DTL: variants seen among roughly 807,000 people sequenced by gnomAD.
DTL encodes the protein denticleless E3 ubiquitin protein ligase adapter.
DTL carries 46 observed loss-of-function variants against 87.0 expected under a neutral mutation model. The ratio of observed to expected loss-of-function variants is 0.53; its 90% confidence interval spans 0.42 to 0.68. The LOEUF is 0.68. Among genes scored for constraint, DTL ranks in the 30% least tolerant of loss-of-function variants. The pLI, the probability that DTL is intolerant of heterozygous loss-of-function variation, is 0.00. For synonymous variants in DTL, 308 were observed against 311.2 expected, an observed-to-expected ratio of 0.99 and a Z score of 0.11; for missense variants, 737 against 869.4, an observed-to-expected ratio of 0.85 and a Z score of 1.91.
chr1:212,051,333 T>C (rs573428369), intron 5 of DTL, among the ~76,000 whole-genome samples: 2 of 152,150 alleles, frequency 1.3e-5, no homozygotes, highest in Non-Finnish European at 2.9e-5. Flanking sequence ...TATTTAACTT[T>C]TCTTATAGTG....
intron 10 of DTL, among the ~76,000 whole-genome samples, chr1:212,071,326 TA>T (rs1043105168): frequency 6.6e-5 from 10 of 152,222 alleles, no homozygotes; most frequent in African/African-American, 2.4e-4. Context: ...TATTTCCTAG[TA>T]GTGTTCTGAT....
intron 13 of DTL, among the ~76,000 whole-genome samples, chr1:212,095,618 G>GT (rs1341261535): frequency 9.8e-5 from 15 of 152,308 alleles, no homozygotes; most frequent in African/African-American, 3.4e-4. Flanking sequence ...TTACAGGCAT[G>GT]AGCCACCGCA....
At chr1:212,054,591 C>CGAG (rs1434720080) in intron 5 of DTL, among the ~76,000 whole-genome samples, 4 of 151,578 alleles carry the variant, frequency 2.6e-5, no homozygotes, top group African/African-American at 9.7e-5. Context: ...GTCAGGAGTT[C>CGAG]GAGACCAGCC....
intron 13 of DTL, among the ~76,000 whole-genome samples, chr1:212,089,363 G>T (rs548679303): frequency 1.1e-4 from 17 of 152,128 alleles, no homozygotes; most frequent in African/African-American, 4.1e-4. Context: ...ATGAAGAGAC[G>T]TAAAAATAAA....
At chr1:212,091,368 A>C (rs1365618644) in intron 13 of DTL, among the ~76,000 whole-genome samples, 1 of 152,252 alleles carries the variant, frequency 6.6e-6, no homozygotes, top group Non-Finnish European at 1.5e-5. Flanking sequence ...AAATTAGTAT[A>C]GCCATTAAGG....
chr1:212,036,860 T>C (rs1667483948), intron 1 of DTL, among the ~76,000 whole-genome samples: 1 of 152,202 alleles, frequency 6.6e-6, no homozygotes, highest in South Asian at 2.1e-4. Flanking sequence ...TGAAACTATG[T>C]GGAAAACGAA....
chr1:212,095,172 G>C (rs57590060), intron 13 of DTL, among the ~76,000 whole-genome samples: 5,193 of 152,138 alleles, frequency 0.034, 298 homozygotes, highest in African/African-American at 0.12. Context: ...TCTTTTTCCA[G>C]TTCTCATGGG....
Position 212,100,261 on chromosome 1 carries a change from CGA to C in DTL, c.1273_1274del (p.Ser425Ter), listed in dbSNP as rs1467241831. 17 of 1,553,486 alleles carry C rather than the reference CGA, an allele frequency of 1.1e-5. No homozygotes were observed. The highest frequency in any genetic ancestry group is 1.5e-5 in the Non-Finnish European group (17 of 1,152,948). On this transcript the variant is annotated frameshift_variant, in exon 14 of 15. Transcript: ENST00000366991. LOFTEE classifies it high-confidence loss of function. ...CTCTCCTCTTTTTCAGTAACAGTAA[CGA>C]GTAGCCAGAGTACTCCTGCCAAAGC...
chr1:212,066,501 G>A (rs1654504550), intron 7 of DTL, among the ~76,000 whole-genome samples: 1 of 152,192 alleles, frequency 6.6e-6, no homozygotes, highest in South Asian at 2.1e-4. Context: ...AGTTAAATAA[G>A]TTTCCTAAGG....
intron 13 of DTL, among the ~76,000 whole-genome samples, chr1:212,085,072 A>C (rs1442535562): frequency 2.6e-5 from 4 of 152,240 alleles, no homozygotes; most frequent in Admixed American, 1.3e-4. Flanking sequence ...AATGACAGGA[A>C]AGAAAAGTCT....
chr1:212,041,874 C>T (rs892692167), intron 1 of DTL, among the ~76,000 whole-genome samples: 5 of 152,242 alleles, frequency 3.3e-5, no homozygotes, highest in Admixed American at 2.0e-4. Flanking sequence ...GAAATTATGA[C>T]GTGATGGCCC....
chr1:212,059,619 G>GACGCACGCTT (rs1326042020), intron 5 of DTL, among the ~76,000 whole-genome samples: 12 of 151,954 alleles, frequency 7.9e-5, no homozygotes, highest in African/African-American at 2.7e-4. Flanking sequence ...ACAAGACAAG[G>GACGCACGCTT]ACGCACGCTT....
chr1:212,056,144 C>T (rs941036837), intron 5 of DTL, among the ~76,000 whole-genome samples: 4 of 152,314 alleles, frequency 2.6e-5, no homozygotes, highest in African/African-American at 9.6e-5. Context: ...ACCCACCTGG[C>T]CCACTGCTGC....
chr1:212,068,640 T>C lies in DTL; in HGVS notation c.859T>C (p.Phe287Leu). The C allele has an allele frequency of 1.9e-6, 3 of 1,613,526 alleles. No individual in the cohort carries two copies. The highest frequency in any genetic ancestry group is 2.5e-6 in the Non-Finnish European group (3 of 1,179,674). The change falls in exon 10 of 15, where the codon TTT (phenylalanine) becomes CTT (leucine). Residue 287 changes from phenylalanine to leucine, a missense_variant. Phe to Leu is a conservative substitution (Grantham distance 22, BLOSUM62 0). Coordinates refer to ENST00000366991, the MANE Select transcript of DTL (RefSeq NM_016448.4). ...LILDSTGSTLFANCTDDNIYM... is the reference protein window; with the variant it reads ...LILDSTGSTLLANCTDDNIYM... ...TTTGGATTCCACTGGCTCTACTTTA[T>C]TTGCTAATTGCACAGACGATAACAT... is the stretch of plus-strand genomic sequence containing the variant.
chr1:212,081,345 T>G (rs57590885), intron 13 of DTL, among the ~76,000 whole-genome samples: 1 of 152,208 alleles, frequency 6.6e-6, no homozygotes, highest in African/African-American at 2.4e-5. Flanking sequence ...GCATATTTTC[T>G]CTTCCTCAGA....
chr1:212,044,556 C>G (rs1667751672), intron 2 of DTL, 104 bp from the exon 3 acceptor site: 1 of 644,008 alleles, frequency 1.6e-6, no homozygotes, highest in African/African-American at 1.9e-5. Context: ...GTGAGCCAAA[C>G]TGCACTATTG....
intron 6 of DTL, among the ~76,000 whole-genome samples, chr1:212,064,647 C>T (rs1026887289): frequency 2.0e-5 from 3 of 152,216 alleles, no homozygotes; most frequent in African/African-American, 7.2e-5. Flanking sequence ...AATAATATTC[C>T]ATTGTCTGGA....
intron 5 of DTL, among the ~76,000 whole-genome samples, chr1:212,050,991 C>G (rs1207771554): frequency 6.6e-6 from 1 of 151,974 alleles, no homozygotes; most frequent in African/African-American, 2.4e-5. Flanking sequence ...CTGTGATATC[C>G]CACTCCCTCT....
In DTL at chr1:212,080,715, C is replaced by A; in HGVS notation, c.1226C>A (p.Ala409Asp). Residue 409 changes from alanine (A) to aspartate (D), a missense_variant, in exon 13 of 15, where the codon GCC becomes GAC. Coordinates refer to ENST00000366991, the MANE Select transcript of DTL (RefSeq NM_016448.4). ...GGDKLSTVGW[A>D]SQKKKESRPG... ...GATAAACTTTCCACGGTGGGTTGGG[C>A]CTCTCAGAAGAAAAAAGAGTCAAGA... 6.2e-7 allele frequency: 1 copy of A among 1,613,478 alleles called. No homozygotes were observed. Among genetic ancestry groups the A allele is most frequent in the Non-Finnish European group, 8.5e-7 (1 of 1,179,606 alleles).
Sources: allele counts gnomAD v4.1 joint callset (sites outside exome capture counted in the v4.1 genomes callset), GRCh38; gene constraint gnomAD v4.1.1; transcripts MANE v1.5; gene names NCBI Gene and HGNC (gene_info 2026-07-23, HGNC 2026-07-21).